The following MACROD2 variants were observed in gnomAD, a reference collection of about 807,000 sequenced individuals.
The protein encoded by MACROD2 is ADP-ribose glycohydrolase MACROD2.
Under a neutral mutation model 70.4 loss-of-function variants are expected in MACROD2, and 36 were observed. The ratio of observed to expected loss-of-function variants is 0.51; its 90% confidence interval spans 0.39 to 0.68. The LOEUF (loss-of-function observed/expected upper bound fraction) is 0.68, where lower values mean the gene tolerates loss of function less well. MACROD2 is among the 30% of genes least tolerant of loss of function. The pLI is 0.00. For missense variants in MACROD2, 496 were observed against 538.4 expected, an observed-to-expected ratio of 0.92 and a Z score of 0.78; for synonymous variants, 172 against 178.8, an observed-to-expected ratio of 0.96 and a Z score of 0.30.
chr20:15,304,713 C>T (rs1205307427), intron 6 of MACROD2, among the ~76,000 whole-genome samples: 5 of 152,022 alleles, frequency 3.3e-5, no homozygotes, highest in Non-Finnish European at 5.9e-5. Context: ...CCCCTCTCTC[C>T]CTTACGTGCC....
chr20:15,616,260 C>T (rs2049037777), intron 8 of MACROD2, among the ~76,000 whole-genome samples: 1 of 151,906 alleles, frequency 6.6e-6, no homozygotes, highest in Non-Finnish European at 1.5e-5. Context: ...TATGCCACGA[C>T]ACCCAGCTAA....
chr20:13,999,928 C>T (rs1231154742), intron 1 of MACROD2, among the ~76,000 whole-genome samples: 2 of 152,136 alleles, frequency 1.3e-5, no homozygotes, highest in Non-Finnish European at 2.9e-5. Context: ...GCAGGAGAAT[C>T]GCTTGAACCC....
chr20:15,206,408 TTTTAAGAATTTGAGTAAAA>T (rs1316202491), intron 5 of MACROD2, among the ~76,000 whole-genome samples: 23 of 152,198 alleles, frequency 1.5e-4, no homozygotes, highest in African/African-American at 5.3e-4. Context: ...GTCATTCTGG[TTTTAAGAATTTGAGTAAAA>T]TTTACAGAAT....
intron 5 of MACROD2, among the ~76,000 whole-genome samples, chr20:15,142,646 T>C (rs1300994912): frequency 6.6e-6 from 1 of 151,874 alleles, no homozygotes; most frequent in Non-Finnish European, 1.5e-5. Context: ...TATCTCCTAA[T>C]GCTATCCCTC....
At chr20:15,960,478 C>CA (rs2066043967) in intron 12 of MACROD2, among the ~76,000 whole-genome samples, 1 of 152,140 alleles carries the variant, frequency 6.6e-6, no homozygotes, top group African/African-American at 2.4e-5. Context: ...TTCGGATCCA[C>CA]AAAAGCAAAT....
chr20:14,466,343 G>A lies in MACROD2; in HGVS notation c.272-27136G>A, dbSNP rs183635480. The stretch of plus-strand genomic sequence containing the variant: ...GATTGCATTGGTTACTGAGGCTTGT[G>A]CTTTTGTCACGTAGTTTTTGTGCCT... On this transcript the variant is annotated intron_variant, in intron 3 of 17. Transcript: ENST00000684519. Among the ~76,000 whole-genome samples, 16 of 152,186 alleles carry A rather than the reference G, an allele frequency of 1.1e-4. No individual in the cohort carries two copies. In the East Asian group the frequency reaches 2.5e-3, roughly 24 times the overall value.
chr20:15,469,425 T>C (rs2046936315), intron 7 of MACROD2, among the ~76,000 whole-genome samples: 3 of 150,752 alleles, frequency 2.0e-5, no homozygotes, highest in Admixed American at 2.0e-4. Context: ...TGTTGGGGAG[T>C]TGTGAAATAC....
rs190548445 is a variant in MACROD2, at chr20:15,649,787, G to T, written c.645+149940G>T. ...TTTATAGGCTTGGAAAAAAATCTGG[G>T]TGTGTATTATTGCAAAGCCATTTAA... On this transcript the variant is annotated intron_variant, in intron 8 of 17. Coordinates refer to ENST00000684519, the MANE Select transcript of MACROD2 (RefSeq NM_001351661.2). 3.0e-4 allele frequency among the ~76,000 whole-genome samples: 46 copies of T among 152,264 alleles called. No individual in the cohort carries two copies. The South Asian group carries it at 8.7e-3, about 29-fold the overall frequency.
At chr20:14,035,064 A>C (rs1228991056) in intron 2 of MACROD2, among the ~76,000 whole-genome samples, 2 of 152,150 alleles carry the variant, frequency 1.3e-5, no homozygotes, top group African/African-American at 4.8e-5. Context: ...TTGCTCAGTT[A>C]TAGGTAAGTG....
intron 3 of MACROD2, chr20:14,324,642 TA>T (rs2082705667): frequency 6.6e-6 from 1 of 152,162 alleles, no homozygotes; most frequent in Admixed American, 6.6e-5. Context: ...TCCTTTATGA[TA>T]AAAACATCAT....
intron 5 of MACROD2, among the ~76,000 whole-genome samples, chr20:15,010,889 T>C (rs1390030782): frequency 6.6e-6 from 1 of 152,136 alleles, no homozygotes; most frequent in Non-Finnish European, 1.5e-5. Flanking sequence ...GAAATGCCTA[T>C]TTTAGATGTG....
intron 5 of MACROD2, among the ~76,000 whole-genome samples, chr20:14,942,514 A>C (rs2074398750): frequency 6.6e-6 from 1 of 152,048 alleles, no homozygotes; most frequent in African/African-American, 2.4e-5. Context: ...TAAAACCTAA[A>C]CCAAACAGAA....
chr20:14,699,310 T>A (rs975811057), intron 5 of MACROD2, among the ~76,000 whole-genome samples: 2 of 152,204 alleles, frequency 1.3e-5, no homozygotes, highest in East Asian at 3.8e-4. Context: ...CTAGCCCAAG[T>A]GCTTACAACT....
At chr20:15,612,931 A>T (rs2048989209) in intron 8 of MACROD2, among the ~76,000 whole-genome samples, 2 of 152,218 alleles carry the variant, frequency 1.3e-5, no homozygotes, top group African/African-American at 2.4e-5. Context: ...AAGCAGCCTC[A>T]CAGTGGAAGG....
intron 9 of MACROD2, among the ~76,000 whole-genome samples, chr20:15,881,604 G>T (rs2064755302): frequency 1.3e-5 from 2 of 152,078 alleles, no homozygotes; most frequent in Non-Finnish European, 2.9e-5. Flanking sequence ...TACATGTCTT[G>T]GGACCTCTAG....
chr20:15,655,029 CAAGTT>C (rs1390551697), intron 8 of MACROD2, among the ~76,000 whole-genome samples: 1 of 152,010 alleles, frequency 6.6e-6, no homozygotes, highest in Admixed American at 6.6e-5. Flanking sequence ...CTATAGGACT[CAAGTT>C]AGGTAGCAGT....
At chr20:15,495,359 A>T (rs1269345674) in intron 7 of MACROD2, among the ~76,000 whole-genome samples, 1 of 152,198 alleles carries the variant, frequency 6.6e-6, no homozygotes, top group Non-Finnish European at 1.5e-5. Context: ...CAGGCATATT[A>T]TCAGGGATAT....
chr20:15,446,605 A>T (rs1326670), intron 7 of MACROD2, among the ~76,000 whole-genome samples: 1 of 152,160 alleles, frequency 6.6e-6, no homozygotes, highest in East Asian at 1.9e-4. Context: ...GCATTCAACC[A>T]AACTTGCGAA....
At chr20:15,373,460 AG>A (rs2045520658) in intron 6 of MACROD2, among the ~76,000 whole-genome samples, 1 of 152,156 alleles carries the variant, frequency 6.6e-6, no homozygotes, top group Admixed American at 6.6e-5. Flanking sequence ...GCTGAAAGGC[AG>A]TGGCACCATC....
Sources: allele counts gnomAD v4.1 joint callset (sites outside exome capture counted in the v4.1 genomes callset), GRCh38; gene constraint gnomAD v4.1.1; transcripts MANE v1.5; gene names NCBI Gene and HGNC (gene_info 2026-07-23, HGNC 2026-07-21).